EXOC4: variants seen among roughly 807,000 people sequenced by gnomAD.
The protein encoded by EXOC4 is SEC8-like 1.
EXOC4 carries 71 observed loss-of-function variants against 107.2 expected under a neutral mutation model. The observed-to-expected ratio is 0.66, with a 90% CI of 0.55 to 0.81. The LOEUF is 0.81. EXOC4 is among the 30% of genes least tolerant of loss of function. The pLI is 0.00. For synonymous variants in EXOC4, 456 were observed against 441.2 expected, an observed-to-expected ratio of 1.03 and a Z score of -0.42; for missense variants, 1,108 against 1,189.6, an observed-to-expected ratio of 0.93 and a Z score of 1.01.
intron 11 of EXOC4, among the ~76,000 whole-genome samples, chr7:133,847,394 TTTG>T (rs1280608683): frequency 5.2e-3 from 182 of 35,326 alleles, no homozygotes; most frequent in African/African-American, 0.021. Context: ...TTTTTTTTTT[TTTG>T]GAGACTGAGT....
chr7:133,522,325 A>G (rs1799996120), intron 9 of EXOC4, among the ~76,000 whole-genome samples: 1 of 152,152 alleles, frequency 6.6e-6, no homozygotes, highest in Non-Finnish European at 1.5e-5. Flanking sequence ...CACATAATGA[A>G]TTTCAGGAAA....
chr7:133,409,425 G>A (rs534204684), intron 7 of EXOC4, among the ~76,000 whole-genome samples: 1 of 152,298 alleles, frequency 6.6e-6, no homozygotes, highest in African/African-American at 2.4e-5. Context: ...GCAATCATGT[G>A]AAGTATCACC....
chr7:133,522,160 TACAA>T (rs1309267759), intron 9 of EXOC4, among the ~76,000 whole-genome samples: 1 of 152,092 alleles, frequency 6.6e-6, no homozygotes, highest in East Asian at 1.9e-4. Context: ...AAAACAAACA[TACAA>T]ACAAACCCCT....
At chr7:133,516,310 G>A (rs1232431557) in intron 9 of EXOC4, among the ~76,000 whole-genome samples, 4 of 152,040 alleles carry the variant, frequency 2.6e-5, no homozygotes, top group South Asian at 2.1e-4. Flanking sequence ...GGACATTTTC[G>A]TCATCCTCAA....
chr7:133,568,616 A>G (rs551086894), intron 9 of EXOC4, among the ~76,000 whole-genome samples: 1 of 152,242 alleles, frequency 6.6e-6, no homozygotes, highest in East Asian at 1.9e-4. Flanking sequence ...ATTGAGTATC[A>G]TTTATGTACC....
intron 17 of EXOC4, among the ~76,000 whole-genome samples, chr7:134,025,085 T>C (rs911967102): frequency 2.0e-5 from 3 of 152,168 alleles, no homozygotes; most frequent in African/African-American, 7.2e-5. Context: ...CATCTTGGAG[T>C]TGCCCAGTAC....
At chr7:133,979,806 A>G (rs973718711) in intron 14 of EXOC4, among the ~76,000 whole-genome samples, 1 of 151,886 alleles carries the variant, frequency 6.6e-6, no homozygotes, top group Non-Finnish European at 1.5e-5. Context: ...AGAAAAAAAA[A>G]CCCTAAATTG....
chr7:134,032,485 C>T (rs1021803457), intron 17 of EXOC4, among the ~76,000 whole-genome samples: 4 of 152,192 alleles, frequency 2.6e-5, no homozygotes, highest in Non-Finnish European at 5.9e-5. Context: ...ATTTCCCCTG[C>T]CAGGCTCAGA....
intron 7 of EXOC4, among the ~76,000 whole-genome samples, chr7:133,443,782 G>T (rs1275860401): frequency 1.3e-5 from 2 of 152,168 alleles, no homozygotes; most frequent in Non-Finnish European, 2.9e-5. Context: ...TCCCAGAAAG[G>T]TCATTTGGGA....
chr7:133,593,364 TA>T (rs1382945006), intron 9 of EXOC4, among the ~76,000 whole-genome samples: 2 of 152,218 alleles, frequency 1.3e-5, no homozygotes, highest in Non-Finnish European at 2.9e-5. Flanking sequence ...TATCTGAAAT[TA>T]ACTCCAGTAA....
intron 11 of EXOC4, among the ~76,000 whole-genome samples, chr7:133,876,970 C>A (rs1798862908): frequency 6.6e-6 from 1 of 152,084 alleles, no homozygotes. Context: ...TACTTCAAAT[C>A]AAATTTGGAA....
chr7:133,896,328 C>T (rs926813456), intron 12 of EXOC4, among the ~76,000 whole-genome samples: 4 of 151,876 alleles, frequency 2.6e-5, no homozygotes, highest in Non-Finnish European at 5.9e-5. Context: ...TCTAAGAAAG[C>T]TAATAATGGG....
At chr7:133,436,248 G>A (rs1228731955) in intron 7 of EXOC4, among the ~76,000 whole-genome samples, 1 of 152,036 alleles carries the variant, frequency 6.6e-6, no homozygotes, top group Non-Finnish European at 1.5e-5. Flanking sequence ...CAGCTGCTAT[G>A]TCTGTACTTG....
At chr7:133,712,474 T>TG (rs1180367713) in intron 10 of EXOC4, among the ~76,000 whole-genome samples, 1 of 88,972 alleles carries the variant, frequency 1.1e-5, no homozygotes, top group Non-Finnish European at 2.2e-5. Context: ...AAAAAAAAAA[T>TG]GGAGCGCTCC....
At chr7:133,396,934 T>C (rs1796981466) in intron 7 of EXOC4, among the ~76,000 whole-genome samples, 1 of 152,162 alleles carries the variant, frequency 6.6e-6, no homozygotes, top group South Asian at 2.1e-4. Flanking sequence ...ACCTGCATTA[T>C]ATTTAGGGGT....
chr7:133,521,156 C>T (rs1171499995), intron 9 of EXOC4, among the ~76,000 whole-genome samples: 3 of 152,098 alleles, frequency 2.0e-5, no homozygotes, highest in Non-Finnish European at 1.5e-5. Flanking sequence ...GTATCGAATA[C>T]ACTTACTTTA....
At chr7:133,856,787 T>A (rs534171446) in intron 11 of EXOC4, among the ~76,000 whole-genome samples, 1 of 151,946 alleles carries the variant, frequency 6.6e-6, no homozygotes, top group Non-Finnish European at 1.5e-5. Flanking sequence ...AAGCCATAAA[T>A]GCAATAGAGA....
intron 9 of EXOC4, among the ~76,000 whole-genome samples, chr7:133,609,550 C>T (rs17167165): frequency 0.34 from 51,074 of 152,024 alleles, 8,961 homozygotes; most frequent in African/African-American, 0.43. Context: ...GAATATTTTC[C>T]ATCAACTGCA....
intron 8 of EXOC4, among the ~76,000 whole-genome samples, chr7:133,477,766 T>C (rs1799053373): frequency 6.6e-6 from 1 of 152,240 alleles, no homozygotes; most frequent in Admixed American, 6.5e-5. Flanking sequence ...TTAAATCTTT[T>C]TAAATTAGTA....
Sources: allele counts gnomAD v4.1 joint callset (sites outside exome capture counted in the v4.1 genomes callset), GRCh38; gene constraint gnomAD v4.1.1; transcripts MANE v1.5; gene names NCBI Gene and HGNC (gene_info 2026-07-23, HGNC 2026-07-21).